LYZL4: variants seen among roughly 807,000 people sequenced by gnomAD.
LYZL4 encodes the protein lysozyme like 4.
In LYZL4, 13 loss-of-function variants were observed where a neutral mutation model predicts 17.6. That is an observed-to-expected ratio of 0.74 (90% CI 0.48 to 1.18). The LOEUF (loss-of-function observed/expected upper bound fraction) is 1.18. Ranked by LOEUF, LYZL4 falls within the 50% of genes most tolerant of loss-of-function variation. The pLI is 0.00. For synonymous variants in LYZL4, 64 were observed against 67.7 expected (o/e 0.95, Z 0.27); for missense variants, 174 against 188.2 (o/e 0.92, Z 0.44).
At chr3:42,385,655 A>G in the LYZL4 span, among the ~76,000 whole-genome samples, 1 of 152,204 alleles carries the variant, frequency 6.6e-6, no homozygotes, top group Non-Finnish European at 1.5e-5. Context: ...TATGGGGACC[A>G]CAAAGAGCCT....
chr3:42,373,734 C>T, the LYZL4 span, among the ~76,000 whole-genome samples: 4 of 152,136 alleles, frequency 2.6e-5, no homozygotes, highest in Non-Finnish European at 5.9e-5. Flanking sequence ...TGTGTGAATC[C>T]TCCCAAAGCA....
At chr3:42,382,918 C>A in the LYZL4 span, among the ~76,000 whole-genome samples, 1 of 151,982 alleles carries the variant, frequency 6.6e-6, no homozygotes, top group African/African-American at 2.4e-5. Context: ...TGCCCCTAGG[C>A]GGCCTCAGAG....
chr3:42,400,620 G>A (rs1238562488), intron 4 of LYZL4, among the ~76,000 whole-genome samples: 1 of 152,056 alleles, frequency 6.6e-6, no homozygotes, highest in Non-Finnish European at 1.5e-5. Context: ...CAGCTTTGGG[G>A]GCATAATACA....
intron 3 of LYZL4, among the ~76,000 whole-genome samples, chr3:42,406,228 C>A (rs1334209847): frequency 6.6e-6 from 1 of 152,076 alleles, no homozygotes; most frequent in Non-Finnish European, 1.5e-5. Context: ...CCGAGACGGG[C>A]AGATCACGAG....
At chr3:42,400,270 G>T (rs572886675) in intron 4 of LYZL4, among the ~76,000 whole-genome samples, 1 of 152,256 alleles carries the variant, frequency 6.6e-6, no homozygotes, top group African/African-American at 2.4e-5. Flanking sequence ...TGGAGTACTG[G>T]ATAACTGTCC....
chr3:42,387,201 A>G, the LYZL4 span, among the ~76,000 whole-genome samples: 1 of 152,134 alleles, frequency 6.6e-6, no homozygotes, highest in East Asian at 1.9e-4. Flanking sequence ...GTCTGTATTT[A>G]TCTCCATTTT....
intron 4 of LYZL4, among the ~76,000 whole-genome samples, chr3:42,399,751 T>C (rs1698621693): frequency 6.6e-6 from 1 of 152,164 alleles, no homozygotes; most frequent in Non-Finnish European, 1.5e-5. Flanking sequence ...AAAGTAAAAA[T>C]GTTATGAATG....
intron 4 of LYZL4, among the ~76,000 whole-genome samples, chr3:42,399,423 G>A (rs985560763): frequency 3.9e-5 from 6 of 152,142 alleles, no homozygotes; most frequent in African/African-American, 1.2e-4. Flanking sequence ...AAAATGGAAC[G>A]AACTAAATTT....
chr3:42,372,963 T>C, the LYZL4 span, among the ~76,000 whole-genome samples: 1 of 152,108 alleles, frequency 6.6e-6, no homozygotes. Context: ...TCCCAGCATT[T>C]TGGGAGGCTG....
the LYZL4 span, among the ~76,000 whole-genome samples, chr3:42,377,629 G>C: frequency 6.8e-4 from 52 of 76,292 alleles, no homozygotes; most frequent in African/African-American, 1.8e-3. Flanking sequence ...GACTCTCTGT[G>C]TGTGTGTGTG....
chr3:42,408,507 C>T (rs1022547369), intron 1 of LYZL4, among the ~76,000 whole-genome samples: 4 of 152,176 alleles, frequency 2.6e-5, no homozygotes, highest in Non-Finnish European at 4.4e-5. Context: ...GATGGATCCT[C>T]CATAAAAGTT....
At chr3:42,385,422 C>T in the LYZL4 span, among the ~76,000 whole-genome samples, 1 of 152,120 alleles carries the variant, frequency 6.6e-6, no homozygotes, top group African/African-American at 2.4e-5. Context: ...AAGTCTGTAG[C>T]CTAGGAACAA....
the LYZL4 span, among the ~76,000 whole-genome samples, chr3:42,377,519 G>C: frequency 4.6e-5 from 7 of 152,084 alleles, no homozygotes; most frequent in African/African-American, 1.7e-4. Flanking sequence ...CAAAAGCCTA[G>C]GTATGTAGTG....
chr3:42,386,080 C>A, the LYZL4 span, among the ~76,000 whole-genome samples: 1 of 152,050 alleles, frequency 6.6e-6, no homozygotes, highest in Non-Finnish European at 1.5e-5. Flanking sequence ...CATCTCCCCC[C>A]GACCTTCACT....
At chr3:42,361,023 T>C in the LYZL4 span, among the ~76,000 whole-genome samples, 2 of 152,240 alleles carry the variant, frequency 1.3e-5, no homozygotes, top group Non-Finnish European at 2.9e-5. Flanking sequence ...TGAAAAGCCA[T>C]ATTCAGAGAA....
chr3:42,366,574 A>G, the LYZL4 span, among the ~76,000 whole-genome samples: 26,550 of 152,106 alleles, frequency 0.17, 6,067 homozygotes, highest in African/African-American at 0.52. Context: ...CCAGGCAGGA[A>G]TGTCTTAATC....
chr3:42,383,876 T>C, the LYZL4 span, among the ~76,000 whole-genome samples: 165 of 152,218 alleles, frequency 1.1e-3, no homozygotes, highest in African/African-American at 3.8e-3. Flanking sequence ...ATTAAATGAA[T>C]GAATGAATGA....
chr3:42,381,713 T>C, the LYZL4 span, among the ~76,000 whole-genome samples: 1 of 152,240 alleles, frequency 6.6e-6, no homozygotes, highest in Non-Finnish European at 1.5e-5. Context: ...CTGGCTTCTT[T>C]GCTAGGCCCC....
At chr3:42,364,778 T>A in the LYZL4 span, among the ~76,000 whole-genome samples, 1 of 152,140 alleles carries the variant, frequency 6.6e-6, no homozygotes, top group African/African-American at 2.4e-5. Context: ...CCAGCCTCAG[T>A]GTCATCTTTT....
Sources: gnomAD v4.1 joint callset for allele counts (sites outside exome capture counted in the v4.1 genomes callset) on GRCh38, gnomAD v4.1.1 for gene constraint, MANE v1.5 for transcripts, NCBI Gene and HGNC (gene_info 2026-07-23, HGNC 2026-07-21) for gene names.